Variants in NTN1 observed in about 807,000 individuals in gnomAD.
The protein encoded by NTN1 is netrin-1.
A neutral mutation model predicts 54.2 loss-of-function variants in NTN1; 11 were observed. The observed-to-expected ratio is 0.20, with a 90% CI of 0.13 to 0.34. NTN1 has a LOEUF of 0.34. NTN1 is among the 10% of genes least tolerant of loss of function. The pLI, the probability that NTN1 is intolerant of heterozygous loss-of-function variation, is 1.00. For missense variants in NTN1, 740 were observed against 893.1 expected (o/e 0.83, Z 2.18); for synonymous variants, 371 against 382.0 (o/e 0.97, Z 0.33).
In NTN1 at chr17:9,239,587, G is replaced by A. The variant is rs1906113812; in HGVS notation, c.1487-53G>A. 3 of 1,556,184 alleles carry A rather than the reference G, an allele frequency of 1.9e-6. No individual in the cohort carries two copies. The highest frequency in any genetic ancestry group is 1.4e-5 in the African/African-American group (1 of 74,070). On this transcript the variant is annotated intron_variant, in intron 6 of 6. Transcript: ENST00000173229. The surrounding 1 kb of genome is among the most constrained non-coding windows in gnomAD (Gnocchi z 5.2). ...CCTTCTCCCCAGGCTCAGGCAGGGC[G>A]GACCTAGCCACAGCAGCTGGGAGCC...
At chr17:9,067,067 A>T (rs2092017552) in intron 2 of NTN1, among the ~76,000 whole-genome samples, 1 of 151,552 alleles carries the variant, frequency 6.6e-6, no homozygotes, top group Non-Finnish European at 1.5e-5. Context: ...GGCGGATCAC[A>T]TGAGGCTGGG....
rs117660543 is a variant in NTN1 at position 9,143,966 on chromosome 17, G to A, written c.1019-18847G>A. On this transcript the variant is annotated intron_variant, in intron 2 of 6. Transcript: ENST00000173229. ...GGCTGGAGTGCAATGGCACAATCTC[G>A]GCCCACTGCAAGTCCACCTCCTGGG... Among the ~76,000 whole-genome samples, 322 of 150,576 alleles carry A rather than the reference G, an allele frequency of 2.1e-3. 7 individuals carry two copies. In the East Asian group the frequency reaches 0.054, roughly 25 times the overall value.
chr17:9,193,938 A>AAAAAAAAAAAAAAAAAAAAAAAAC lies in NTN1; in HGVS notation c.1411+10975_1411+10976insAAAAAAAAAAAAAAAAACAAAAAA, dbSNP rs796452392. Among the ~76,000 whole-genome samples, 43 of 108,392 alleles carry AAAAAAAAAAAAAAAAAAAAAAAAC rather than the reference A, an allele frequency of 4.0e-4. 1 individual carries two copies. The highest frequency in any genetic ancestry group is 6.1e-4 in the Non-Finnish European group (32 of 52,362). 71.1% of individuals were successfully genotyped at this position (108,392 alleles called of 152,430 possible). ...CTCCGACTAAAAAAAAAAAAAAAAA[A>AAAAAAAAAAAAAAAAAAAAAAAAC]AAAAAACATTATGCAGGTTGGGCGC... On this transcript the variant is annotated intron_variant, in intron 5 of 6. Transcript: ENST00000173229.
chr17:9,003,726 A>T, the NTN1 span, among the ~76,000 whole-genome samples: 4 of 152,082 alleles, frequency 2.6e-5, no homozygotes, highest in Non-Finnish European at 5.9e-5. This position sits in a 1 kb window ranked among gnomAD's most constrained non-coding sequence, Gnocchi z 7.4. Context: ...TTCAGTGCTT[A>T]GTAATTAATT....
intron 5 of NTN1, among the ~76,000 whole-genome samples, chr17:9,201,585 G>T (rs758139412): frequency 6.6e-5 from 10 of 152,188 alleles, no homozygotes; most frequent in Admixed American, 1.3e-4. Flanking sequence ...CACACATATG[G>T]CCTCCCTTGT....
At chr17:9,205,093 G>A (rs765117208) in intron 5 of NTN1, among the ~76,000 whole-genome samples, 5 of 152,216 alleles carry the variant, frequency 3.3e-5, no homozygotes, top group Admixed American at 6.5e-5. Context: ...TTCAGAAACA[G>A]GTGCAGGAAG....
intron 2 of NTN1, among the ~76,000 whole-genome samples, chr17:9,120,960 AT>A (rs1411501637): frequency 1.3e-5 from 2 of 152,258 alleles, no homozygotes; most frequent in East Asian, 3.9e-4. Context: ...TTTCAGGTAC[AT>A]TTTTGGCTCT....
At chr17:9,065,019 C>G (rs942321976) in intron 2 of NTN1, among the ~76,000 whole-genome samples, 8 of 152,314 alleles carry the variant, frequency 5.3e-5, no homozygotes, top group African/African-American at 1.9e-4. Flanking sequence ...TCACTGCAAC[C>G]TCCACTTCCC....
chr17:9,119,486 C>CTTAT (rs71361861), intron 2 of NTN1, among the ~76,000 whole-genome samples: 8,843 of 149,772 alleles, frequency 0.059, 295 homozygotes, highest in African/African-American at 0.088. Flanking sequence ...CCGTGCCTGG[C>CTTAT]TTATTTATTT....
At chr17:9,111,722 C>T (rs1046927226) in intron 2 of NTN1, among the ~76,000 whole-genome samples, 21 of 152,032 alleles carry the variant, frequency 1.4e-4, no homozygotes, top group Admixed American at 1.4e-3. Flanking sequence ...TGTATTCTTA[C>T]AATAAAGTAA....
In NTN1 at chr17:9,243,483, AAAGG is replaced by A. The variant is rs532535450; in HGVS notation, c.*3519_*3522del. On this transcript the variant is annotated 3_prime_UTR_variant, in exon 7 of 7. Transcript: ENST00000173229. ...AAAGACGCTTAGGCTGTCAACACTT[AAAGG>A]AAGTCCCCTTGAAGCCCAGAGTGGA... 29 of 152,394 alleles carry A rather than the reference AAAGG, an allele frequency of 1.9e-4. No individual in the cohort carries two copies. The South Asian group carries it at 5.0e-3, about 26-fold the overall frequency. 9.4% of individuals were successfully genotyped at this position (152,394 alleles called of 1,614,324 possible).
rs1318304037 is a variant in NTN1, at chr17:9,022,418, G to A, written c.45G>A (p.Val15=). ...AGGCGCTGGCGGCGCTGGCGGCGGTGGCGTGCCTGGTGGGCGCGGTGCGCG... is the reference window on the plus strand; with the variant it reads ...AGGCGCTGGCGGCGCTGGCGGCGGTAGCGTGCCTGGTGGGCGCGGTGCGCG... The part of the protein sequence containing the change: ...VWEALAALAA[V]ACLVGAVRGG... Residue 15 remains valine, a synonymous_variant, in exon 2 of 7, where the codon GTG becomes GTA. Transcript: ENST00000173229. The A allele has an allele frequency of 5.2e-6, 7 of 1,349,968 alleles. No homozygotes were observed. The East Asian group carries it at 2.1e-4, about 41-fold the overall frequency. 83.6% of individuals were successfully genotyped at this position (1,349,968 alleles called of 1,614,324 possible).
upstream of NTN1, among the ~76,000 whole-genome samples, chr17:9,020,113 G>C (rs2091840920): frequency 6.6e-6 from 1 of 152,190 alleles, no homozygotes; most frequent in African/African-American, 2.4e-5. Context: ...GACGGAGCTG[G>C]GCCAGACGAG....
chr17:9,018,031 G>GT (rs1349881318), upstream of NTN1, among the ~76,000 whole-genome samples: 9 of 152,180 alleles, frequency 5.9e-5, no homozygotes, highest in Non-Finnish European at 1.3e-4. Flanking sequence ...CTGGGCTGCT[G>GT]TGTAGCGTAG....
chr17:9,192,695 A>G (rs772340337), intron 5 of NTN1, among the ~76,000 whole-genome samples: 13 of 152,232 alleles, frequency 8.5e-5, no homozygotes, highest in Non-Finnish European at 1.6e-4. Flanking sequence ...CTCCAAAAGC[A>G]TTAAGGAGAG....
intron 2 of NTN1, among the ~76,000 whole-genome samples, chr17:9,158,219 CA>C (rs11358817): frequency 0.23 from 35,190 of 152,042 alleles, 4,237 homozygotes; most frequent in African/African-American, 0.26. Context: ...TTTGTGTGAC[CA>C]GTTGTTTAGG....
At chr17:9,119,744 T>C (rs1300068301) in intron 2 of NTN1, among the ~76,000 whole-genome samples, 1 of 152,156 alleles carries the variant, frequency 6.6e-6, no homozygotes, top group Non-Finnish European at 1.5e-5. Context: ...GCAATCTTTC[T>C]GCTCTGGTCT....
intron 5 of NTN1, chr17:9,183,489 G>A (rs1477667722): frequency 1.9e-5 from 7 of 377,150 alleles, no homozygotes; most frequent in East Asian, 7.4e-5. Context: ...CGCAGCATGC[G>A]GCCAAGCCTG....
At position 9,221,091 on chromosome 17, in the gene NTN1, C is replaced by G; in HGVS notation, c.1412-77C>G. 5 of 1,077,216 alleles carry G rather than the reference C, an allele frequency of 4.6e-6. No individual in the cohort carries two copies. The African/African-American group carries it at 6.2e-5, about 13-fold the overall frequency. 66.7% of individuals were successfully genotyped at this position (1,077,216 alleles called of 1,614,324 possible). A position where few individuals can be genotyped will look rare whatever the true frequency, so the allele number is the denominator to read the frequency against. ...GCCTCTGGCTATTTAGGGAGGCGGC[C>G]TCCTACTCTGCCCGCCAGCCTATTC... On this transcript the variant is annotated intron_variant, in intron 5 of 6. Coordinates refer to ENST00000173229, the MANE Select transcript of NTN1 (RefSeq NM_004822.3). This position sits in a 1 kb window ranked among gnomAD's most constrained non-coding sequence, Gnocchi z 4.5.
Sources: gnomAD v4.1 joint callset for allele counts (sites outside exome capture counted in the v4.1 genomes callset) on GRCh38, gnomAD v4.1.1 for gene constraint, Gnocchi (gnomAD v3.1) non-coding constraint, MANE v1.5 for transcripts, NCBI Gene and HGNC (gene_info 2026-07-23, HGNC 2026-07-21) for gene names.